KIRREL3: variants seen among roughly 807,000 people sequenced by gnomAD.
KIRREL3 encodes kin of IRRE-like protein 3.
In KIRREL3, 36 loss-of-function variants were observed where a neutral mutation model predicts 89.7. The ratio of observed to expected loss-of-function variants is 0.40; its 90% confidence interval spans 0.31 to 0.53. KIRREL3 has a LOEUF of 0.53. Among genes scored for constraint, KIRREL3 ranks in the 20% least tolerant of loss-of-function variants. KIRREL3 has a pLI of 0.49. For synonymous variants in KIRREL3, 445 were observed against 441.4 expected, an observed-to-expected ratio of 1.01 and a Z score of -0.10; for missense variants, 864 against 1,056.6, an observed-to-expected ratio of 0.82 and a Z score of 2.53.
At chr11:126,824,709 T>C (rs1398221038) in intron 1 of KIRREL3, among the ~76,000 whole-genome samples, 4 of 152,184 alleles carry the variant, frequency 2.6e-5, no homozygotes, top group African/African-American at 9.7e-5. Context: ...TGAGAGAGGG[T>C]AGAAGAATAA....
chr11:126,544,377 G>T lies in KIRREL3; in HGVS notation c.134-17690C>A, dbSNP rs1701114513. 1 of 152,230 alleles carries T rather than the reference G, an allele frequency of 6.6e-6. No individual in the cohort carries two copies. Among genetic ancestry groups the T allele is most frequent in the Non-Finnish European group, 1.5e-5 (1 of 68,044 alleles). The allele number at this position is 152,230 out of a possible 1,614,324, so 9.4% of individuals were successfully genotyped here. A position where few individuals can be genotyped will look rare whatever the true frequency, so the allele number is the denominator to read the frequency against. On this transcript the variant is annotated intron_variant, in intron 2 of 16. Coordinates refer to ENST00000525144, the MANE Select transcript of KIRREL3 (RefSeq NM_032531.4). The surrounding 1 kb of genome is among the most constrained non-coding windows in gnomAD (Gnocchi z 5.6). ...GGAGGGATTCTGAATGGGAGGTATTGTAACCCCTTGAATCAAACTTTATGA... is the reference window on the plus strand; with the variant it reads ...GGAGGGATTCTGAATGGGAGGTATTTTAACCCCTTGAATCAAACTTTATGA...
chr11:126,634,397 C>G (rs1303291724), intron 1 of KIRREL3, among the ~76,000 whole-genome samples: 1 of 152,198 alleles, frequency 6.6e-6, no homozygotes, highest in Non-Finnish European at 1.5e-5. Context: ...AGCCAGGAGC[C>G]TGTGCTCATC....
At chr11:126,737,480 C>T (rs925922300) in intron 1 of KIRREL3, among the ~76,000 whole-genome samples, 18 of 152,198 alleles carry the variant, frequency 1.2e-4, no homozygotes, top group Admixed American at 3.3e-4. Context: ...AGACGATGGT[C>T]TCCTGAGTCA....
At chr11:126,840,152 A>T (rs1414843252) in intron 1 of KIRREL3, among the ~76,000 whole-genome samples, 2 of 152,230 alleles carry the variant, frequency 1.3e-5, no homozygotes, top group Admixed American at 1.3e-4. Flanking sequence ...GGAGATGCAG[A>T]GTTTGAGCAC....
At chr11:126,458,874 C>T (rs1428246561) in intron 6 of KIRREL3, among the ~76,000 whole-genome samples, 3 of 152,226 alleles carry the variant, frequency 2.0e-5, no homozygotes, top group African/African-American at 7.2e-5. Flanking sequence ...AACCCCGTGA[C>T]CTCTCCTCGA....
intron 5 of KIRREL3, among the ~76,000 whole-genome samples, chr11:126,472,803 GAC>G (rs1956935776): frequency 1.3e-5 from 2 of 151,780 alleles, no homozygotes; most frequent in Non-Finnish European, 2.9e-5. Context: ...GAGAAAAAGT[GAC>G]ACAGAGTGAG....
intron 1 of KIRREL3, chr11:126,920,295 T>C (rs1178915971): frequency 1.3e-5 from 2 of 152,568 alleles, no homozygotes; most frequent in South Asian, 4.1e-4. Context: ...ATAAGATGCA[T>C]CTTTAGATCC....
rs1467606761 is a variant in KIRREL3 at position 126,905,180 on chromosome 11, C to T, written c.55+95275G>A. Among the ~76,000 whole-genome samples the T allele has an allele frequency of 1.3e-5, 2 of 152,120 alleles. No individual in the cohort carries two copies. Among genetic ancestry groups the T allele is most frequent in the Admixed American group, 6.6e-5 (1 of 15,264 alleles). ...GGAGGAACGGGGCTTGATTCCATGGCTTCCCTACTTGAAGGCAGGGCTTGG... is the reference window on the plus strand; with the variant it reads ...GGAGGAACGGGGCTTGATTCCATGGTTTCCCTACTTGAAGGCAGGGCTTGG... On this transcript the variant is annotated intron_variant, in intron 1 of 16. Coordinates refer to ENST00000525144, the MANE Select transcript of KIRREL3 (RefSeq NM_032531.4). This position sits in a 1 kb window ranked among gnomAD's most constrained non-coding sequence, Gnocchi z 5.0.
rs938058236 is a variant in KIRREL3 at position 126,734,321 on chromosome 11, C to T, written c.56-171409G>A. On this transcript the variant is annotated intron_variant, in intron 1 of 16. Transcript: ENST00000525144. This position sits in a 1 kb window ranked among gnomAD's most constrained non-coding sequence, Gnocchi z 5.9. Reference sequence around the variant, plus strand: ...ATACTTTAAATACTGTGTTCATGATCTGCTTCAAGATTTCCCCCTCTGTTT... The same window carrying T: ...ATACTTTAAATACTGTGTTCATGATTTGCTTCAAGATTTCCCCCTCTGTTT... Among the ~76,000 whole-genome samples, 2 of 152,142 alleles carry T rather than the reference C, an allele frequency of 1.3e-5. No homozygotes were observed. Among genetic ancestry groups the T allele is most frequent in the African/African-American group, 4.8e-5 (2 of 41,418 alleles).
chr11:126,538,823 AG>A (rs745680672), intron 2 of KIRREL3, among the ~76,000 whole-genome samples: 3 of 152,162 alleles, frequency 2.0e-5, no homozygotes, highest in Non-Finnish European at 4.4e-5. Context: ...TCCGCTGAGT[AG>A]GCTCTGGAGC....
intron 1 of KIRREL3, among the ~76,000 whole-genome samples, chr11:126,577,716 T>G (rs1000770892): frequency 3.3e-5 from 5 of 151,760 alleles, no homozygotes; most frequent in African/African-American, 1.2e-4. Context: ...GAGCTGAGAT[T>G]GTGCCACTGC....
At chr11:126,806,290 G>A (rs1399888425) in intron 1 of KIRREL3, among the ~76,000 whole-genome samples, 1 of 152,152 alleles carries the variant, frequency 6.6e-6, no homozygotes, top group African/African-American at 2.4e-5. Flanking sequence ...CTAATAAAAA[G>A]GACATATTGC....
rs1213270366 is a variant in KIRREL3 at position 126,513,946 on chromosome 11, C to T, written c.433+7369G>A. Among the ~76,000 whole-genome samples, 2 of 152,100 alleles carry T rather than the reference C, an allele frequency of 1.3e-5. No homozygotes were observed. Among genetic ancestry groups the T allele is most frequent in the African/African-American group, 2.4e-5 (1 of 41,402 alleles). On this transcript the variant is annotated intron_variant, in intron 4 of 16. Transcript: ENST00000525144. This position sits in a 1 kb window ranked among gnomAD's most constrained non-coding sequence, Gnocchi z 5.9. ...GTCAGCCTCAGATACCCTTCATGGCCCCCAGCTCTGCTCACTTTATCACCT... is the reference window on the plus strand; with the variant it reads ...GTCAGCCTCAGATACCCTTCATGGCTCCCAGCTCTGCTCACTTTATCACCT...
intron 1 of KIRREL3, among the ~76,000 whole-genome samples, chr11:126,885,698 A>G (rs558973228): frequency 9.2e-5 from 14 of 152,188 alleles, no homozygotes; most frequent in Non-Finnish European, 1.8e-4. Context: ...TCTGAATAAG[A>G]GAGTATCACT....
In KIRREL3 at chr11:126,776,095, G is replaced by C. The variant is rs1370900932; in HGVS notation, c.56-213183C>G. On this transcript the variant is annotated intron_variant, in intron 1 of 16. Transcript: ENST00000525144. The surrounding 1 kb of genome is among the most constrained non-coding windows in gnomAD (Gnocchi z 4.7). ...TCAGGCCTGGCCTGGGGATTGTGGGGTGACCTTCGCTGCAGGGGATCCCTG... is the reference window on the plus strand; with the variant it reads ...TCAGGCCTGGCCTGGGGATTGTGGGCTGACCTTCGCTGCAGGGGATCCCTG... Among the ~76,000 whole-genome samples, 1 of 152,218 alleles carries C rather than the reference G, an allele frequency of 6.6e-6. No individual in the cohort carries two copies. Among genetic ancestry groups the C allele is most frequent in the Admixed American group, 6.5e-5 (1 of 15,282 alleles).
At chr11:126,536,381 C>T (rs936181771) in intron 2 of KIRREL3, among the ~76,000 whole-genome samples, 14 of 152,254 alleles carry the variant, frequency 9.2e-5, no homozygotes, top group Admixed American at 7.8e-4. Flanking sequence ...CCCACAACTG[C>T]CAACCCTAAA....
chr11:126,450,903 G>T (rs377760535), intron 7 of KIRREL3, among the ~76,000 whole-genome samples: 1,624 of 149,486 alleles, frequency 0.011, 29 homozygotes, highest in African/African-American at 0.038. Flanking sequence ...GTGTGTGCAT[G>T]TGCGTGTGTG....
chr11:126,923,130 T>TCCTCCTTCTC (rs373421868), intron 1 of KIRREL3, among the ~76,000 whole-genome samples: 1 of 16,304 alleles, frequency 6.1e-5, no homozygotes, highest in African/African-American at 2.5e-4. Flanking sequence ...CTCCTTCTTC[T>TCCTCCTTCTC]CTTCTTCTTC....
rs1943292434 is a variant in KIRREL3, at chr11:126,615,159, T to C, written c.56-52247A>G. Among the ~76,000 whole-genome samples the C allele has an allele frequency of 1.3e-5, 2 of 152,138 alleles. No homozygotes were observed. The highest frequency in any genetic ancestry group is 2.4e-5 in the African/African-American group (1 of 41,422). On this transcript the variant is annotated intron_variant, in intron 1 of 16. Coordinates refer to ENST00000525144, the MANE Select transcript of KIRREL3 (RefSeq NM_032531.4). This position sits in a 1 kb window ranked among gnomAD's most constrained non-coding sequence, Gnocchi z 5.4. ...ATGAGGAAGAATTGTAATGTAGAGC[T>C]GTGCTTCATATTCCCCGTGCATACC...
Sources: allele counts gnomAD v4.1 joint callset (sites outside exome capture counted in the v4.1 genomes callset), GRCh38; gene constraint gnomAD v4.1.1; non-coding constraint Gnocchi (gnomAD v3.1); transcripts MANE v1.5; gene names NCBI Gene and HGNC (gene_info 2026-07-23, HGNC 2026-07-21).